Variants in GALNT3 observed in about 807,000 individuals in gnomAD.
The protein encoded by GALNT3 is polypeptide N-acetylgalactosaminyltransferase 3.
In GALNT3, 51 loss-of-function variants were observed where a neutral mutation model predicts 69.8. That is an observed-to-expected ratio of 0.73 (90% CI 0.58 to 0.92). The LOEUF (loss-of-function observed/expected upper bound fraction) is 0.92. GALNT3 is among the 40% of genes least tolerant of loss of function. The pLI is 0.00. For missense variants in GALNT3, 711 were observed against 760.0 expected (o/e 0.94, Z 0.76); for synonymous variants, 265 against 248.5 (o/e 1.07, Z -0.63).
chr2:165,786,793 C>T (rs923802625), intron 1 of GALNT3, among the ~76,000 whole-genome samples: 2 of 152,136 alleles, frequency 1.3e-5, no homozygotes, highest in Non-Finnish European at 2.9e-5. Context: ...CTTAATCTCT[C>T]AATTTTCCTA....
At chr2:165,764,602 GACTC>G (rs1688605835) in intron 3 of GALNT3, among the ~76,000 whole-genome samples, 2 of 152,218 alleles carry the variant, frequency 1.3e-5, no homozygotes, top group South Asian at 4.1e-4. Flanking sequence ...AAGGCAGCCT[GACTC>G]AAAGGCTCAA....
intron 1 of GALNT3, among the ~76,000 whole-genome samples, chr2:165,774,313 A>G (rs955531579): frequency 6.6e-6 from 1 of 152,190 alleles, no homozygotes; most frequent in Admixed American, 6.5e-5. Context: ...AGAAGAATTG[A>G]GCTGGACTCC....
At chr2:165,759,261 T>C in intron 5 of GALNT3, 75 bp downstream of exon 5, 1 of 1,188,940 alleles carries the variant, frequency 8.4e-7, no homozygotes, top group East Asian at 2.5e-5. Flanking sequence ...GCAATTGCTA[T>C]AAAGCAAACA....
chr2:165,756,119 C>T (rs996086006), intron 7 of GALNT3, among the ~76,000 whole-genome samples: 5 of 152,158 alleles, frequency 3.3e-5, no homozygotes, highest in African/African-American at 7.2e-5. Context: ...CAGGGAGATA[C>T]TGGAGACCAG....
At chr2:165,792,509 T>C (rs1352248943) in intron 1 of GALNT3, among the ~76,000 whole-genome samples, 1 of 152,212 alleles carries the variant, frequency 6.6e-6, no homozygotes, top group Non-Finnish European at 1.5e-5. Flanking sequence ...AATTACATCA[T>C]GTTATGCTGT....
chr2:165,759,031 C>CG (rs924934112), intron 5 of GALNT3, among the ~76,000 whole-genome samples, 167 bp from the exon 6 acceptor site: 2 of 152,070 alleles, frequency 1.3e-5, no homozygotes, highest in African/African-American at 4.8e-5. Context: ...TTTTTGGGGT[C>CG]GGGGGGAGTA....
intron 1 of GALNT3, among the ~76,000 whole-genome samples, chr2:165,791,747 A>G (rs951465485): frequency 6.6e-6 from 1 of 152,188 alleles, no homozygotes; most frequent in African/African-American, 2.4e-5. Context: ...TGACTTAAAA[A>G]ATTAACTGTG....
chr2:165,755,437 A>G (rs548088588), intron 7 of GALNT3, among the ~76,000 whole-genome samples: 1 of 152,308 alleles, frequency 6.6e-6, no homozygotes, highest in South Asian at 2.1e-4. Context: ...CTGCAAAGTG[A>G]GGTGTCAGAA....
chr2:165,778,004 C>G (rs1482561476), intron 1 of GALNT3, among the ~76,000 whole-genome samples: 3 of 152,126 alleles, frequency 2.0e-5, no homozygotes, highest in East Asian at 3.8e-4. Flanking sequence ...TCTCAGCTAC[C>G]CCTGGTCAGG....
intron 2 of GALNT3, among the ~76,000 whole-genome samples, chr2:165,768,365 A>G (rs2105417304): frequency 6.6e-6 from 1 of 152,356 alleles, no homozygotes; most frequent in East Asian, 1.9e-4. Context: ...CAAAAGAATA[A>G]AAATCATGAT....
intron 1 of GALNT3, chr2:165,793,803 G>C (rs1680913936): frequency 6.6e-6 from 1 of 152,366 alleles, no homozygotes; most frequent in Admixed American, 6.6e-5. Context: ...GTGTGACCGG[G>C]CTCCCCCCCG....
intron 2 of GALNT3, among the ~76,000 whole-genome samples, chr2:165,767,861 A>G (rs575040315): frequency 6.7e-6 from 1 of 148,466 alleles, no homozygotes; most frequent in African/African-American, 2.5e-5. Flanking sequence ...TCAAAGTAAA[A>G]AACAAATCTT....
chr2:165,758,870 AAAT>A lies in GALNT3; in HGVS notation c.1074-9_1074-7del. ...CTCCTGCAAAAGTGGGTGTTCTGAA[AAAT>A]AATCCATTGTCAAATTTTGTTATAA... On this transcript the variant is annotated splice_polypyrimidine_tract_variant and splice_region_variant and intron_variant, in intron 5 of 10. Coordinates refer to ENST00000392701, the MANE Select transcript of GALNT3 (RefSeq NM_004482.4). The A allele has an allele frequency of 2.0e-6, 3 of 1,516,576 alleles. 1 individual carries two copies. The South Asian group carries it at 3.4e-5, about 17-fold the overall frequency. 93.9% of individuals were successfully genotyped at this position (1,516,576 alleles called of 1,614,324 possible). A position where few individuals can be genotyped will look rare whatever the true frequency, so the allele number is the denominator to read the frequency against.
chr2:165,769,643 T>A (rs78273753), intron 2 of GALNT3, among the ~76,000 whole-genome samples: 3,004 of 151,986 alleles, frequency 0.02, 37 homozygotes, highest in Non-Finnish European at 0.026. Context: ...TAATCCCAGC[T>A]ACTTGGGATT....
At chr2:165,788,864 C>T (rs1377928602) in intron 1 of GALNT3, among the ~76,000 whole-genome samples, 1 of 152,140 alleles carries the variant, frequency 6.6e-6, no homozygotes, top group Non-Finnish European at 1.5e-5. Flanking sequence ...GGGTTCTATC[C>T]GGTAAGCAAC....
chr2:165,783,410 A>C (rs1683153442), intron 1 of GALNT3, among the ~76,000 whole-genome samples: 1 of 152,162 alleles, frequency 6.6e-6, no homozygotes, highest in African/African-American at 2.4e-5. Context: ...AATATTAAGG[A>C]ATAGGGGGTG....
intron 1 of GALNT3, among the ~76,000 whole-genome samples, chr2:165,774,441 A>C (rs1170595310): frequency 6.6e-6 from 1 of 152,232 alleles, no homozygotes; most frequent in Non-Finnish European, 1.5e-5. Context: ...GTCAGAAATC[A>C]TACTTGTGGA....
chr2:165,788,891 A>G lies in GALNT3; in HGVS notation c.-109+5124T>C, dbSNP rs536825006. Among the ~76,000 whole-genome samples the G allele has an allele frequency of 5.9e-5, 9 of 152,168 alleles. No individual in the cohort carries two copies. In the South Asian group the frequency reaches 1.0e-3, roughly 18 times the overall value. On this transcript the variant is annotated intron_variant, in intron 1 of 10. Coordinates refer to ENST00000392701, the MANE Select transcript of GALNT3 (RefSeq NM_004482.4). Reference sequence around the variant, plus strand: ...GTAAGCAACAGAAAATTGTTGAAGGATTTTAAGTGAGAGAGAGAATTTGCA... The same window carrying G: ...GTAAGCAACAGAAAATTGTTGAAGGGTTTTAAGTGAGAGAGAGAATTTGCA...
At chr2:165,775,058 G>A (rs1199317281) in intron 1 of GALNT3, among the ~76,000 whole-genome samples, 1 of 151,666 alleles carries the variant, frequency 6.6e-6, no homozygotes, top group Non-Finnish European at 1.5e-5. Flanking sequence ...CCTAGCCTTT[G>A]TAATTCCAAT....
Sources: gnomAD v4.1 joint callset for allele counts (sites outside exome capture counted in the v4.1 genomes callset) on GRCh38, gnomAD v4.1.1 for gene constraint, MANE v1.5 for transcripts, NCBI Gene and HGNC (gene_info 2026-07-23, HGNC 2026-07-21) for gene names.